The following IPO11 variants were observed in gnomAD, a reference collection of about 807,000 sequenced individuals.
The protein encoded by IPO11 is importin 11, also known as importin-11.
In IPO11, 66 loss-of-function variants were observed where a neutral mutation model predicts 143.2. The observed-to-expected ratio is 0.46, with a 90% confidence interval of 0.38 to 0.57. The LOEUF (loss-of-function observed/expected upper bound fraction) is 0.57, where lower values mean the gene tolerates loss of function less well. Among genes scored for constraint, IPO11 ranks in the 20% least tolerant of loss-of-function variants. The pLI is 0.00. For missense variants in IPO11, 1,026 were observed against 1,141.0 expected, an observed-to-expected ratio of 0.90 and a Z score of 1.45; for synonymous variants, 385 against 377.8, an observed-to-expected ratio of 1.02 and a Z score of -0.22.
chr5:62,515,262 A>G, intron 19 of IPO11, 126 bp from the exon 20 acceptor site: 1 of 533,820 alleles, frequency 1.9e-6, no homozygotes, highest in Non-Finnish European at 3.3e-6. Flanking sequence ...TAAGCTTAAT[A>G]CATTACATCT....
intron 27 of IPO11, among the ~76,000 whole-genome samples, chr5:62,571,805 C>A (rs996500957): frequency 2.6e-4 from 39 of 152,176 alleles, no homozygotes; most frequent in Middle Eastern, 3.4e-3. Context: ...CCTGCCCCAG[C>A]CTCCCCATTA....
intron 24 of IPO11, among the ~76,000 whole-genome samples, chr5:62,541,080 G>A (rs910051294): frequency 6.6e-6 from 1 of 152,156 alleles, no homozygotes; most frequent in Non-Finnish European, 1.5e-5. Flanking sequence ...ATTAATAATT[G>A]TATTTTGGTC....
At chr5:62,433,683 AG>A (rs1163934851) in intron 1 of IPO11, among the ~76,000 whole-genome samples, 4 of 152,184 alleles carry the variant, frequency 2.6e-5, no homozygotes, top group African/African-American at 9.6e-5. Flanking sequence ...AAGCAAGGGG[AG>A]GACCTGGATG....
chr5:62,527,067 G>A (rs1026624197), intron 21 of IPO11, among the ~76,000 whole-genome samples: 6 of 149,090 alleles, frequency 4.0e-5, no homozygotes, highest in Admixed American at 2.7e-4. Context: ...TATAAATAAT[G>A]ATCTTTATCA....
At chr5:62,455,931 C>T (rs1224322980) in intron 5 of IPO11, among the ~76,000 whole-genome samples, 4 of 151,996 alleles carry the variant, frequency 2.6e-5, no homozygotes, top group Non-Finnish European at 5.9e-5. Flanking sequence ...CGTCATGTTG[C>T]CCAGGTTGGC....
intron 8 of IPO11, among the ~76,000 whole-genome samples, chr5:62,476,021 A>G (rs1200502895): frequency 6.6e-6 from 1 of 152,232 alleles, no homozygotes; most frequent in Non-Finnish European, 1.5e-5. Flanking sequence ...TTAGTAAAAC[A>G]TTGTTGAGCC....
chr5:62,609,377 C>CTTCCATGG (rs1435773614), intron 29 of IPO11, among the ~76,000 whole-genome samples: 5 of 152,342 alleles, frequency 3.3e-5, no homozygotes, highest in Non-Finnish European at 7.3e-5. Flanking sequence ...AAGAAACAGC[C>CTTCCATGG]TTCCATGGAC....
intron 19 of IPO11, among the ~76,000 whole-genome samples, chr5:62,510,329 A>G (rs1741701554): frequency 6.6e-6 from 1 of 152,228 alleles, no homozygotes; most frequent in Non-Finnish European, 1.5e-5. Flanking sequence ...AAATAGATCA[A>G]CACTTATATA....
At chr5:62,593,572 A>G (rs990162446) in intron 28 of IPO11, among the ~76,000 whole-genome samples, 11 of 152,214 alleles carry the variant, frequency 7.2e-5, no homozygotes, top group Non-Finnish European at 1.5e-4. Context: ...CCATGTGCCA[A>G]GCTCAGCCAT....
intron 5 of IPO11, among the ~76,000 whole-genome samples, chr5:62,463,825 A>G (rs941045108): frequency 7.0e-6 from 1 of 143,868 alleles, no homozygotes; most frequent in African/African-American, 2.5e-5. Context: ...TTACTTCTGT[A>G]TTTTTTTTTT....
At position 62,605,713 on chromosome 5, in the gene IPO11, G is replaced by GTATTATTATTATTAT. The variant is rs139613779; in HGVS notation, c.2763+3879_2763+3893dup. Reference sequence around the variant, plus strand: ...CAACTCTATGATACCAGCTAACAAAGTATTATTATTATTATTATTATTATT... The same window carrying GTATTATTATTATTAT: ...CAACTCTATGATACCAGCTAACAAAGTATTATTATTATTATTATTATTATTATTATTATTATTATT... On this transcript the variant is annotated intron_variant, in intron 29 of 29. Transcript: ENST00000325324. Among the ~76,000 whole-genome samples the GTATTATTATTATTAT allele has an allele frequency of 3.2e-3, 476 of 146,754 alleles. 4 individuals carry two copies. The highest frequency in any genetic ancestry group is 0.03 in the East Asian group (150 of 5,050).
At chr5:62,621,928 A>T (rs542431000) in intron 29 of IPO11, among the ~76,000 whole-genome samples, 91 of 152,144 alleles carry the variant, frequency 6.0e-4, no homozygotes, top group African/African-American at 2.1e-3. Context: ...GTAAAGTAAA[A>T]CTCCCTCAAA....
chr5:62,604,530 G>A (rs926180713), intron 29 of IPO11, among the ~76,000 whole-genome samples: 2 of 152,028 alleles, frequency 1.3e-5, no homozygotes, highest in South Asian at 4.1e-4. Flanking sequence ...TCTTAAATAC[G>A]TGGAAAGTAT....
At chr5:62,530,138 CAA>C (rs1165284662) in intron 21 of IPO11, among the ~76,000 whole-genome samples, 1 of 152,068 alleles carries the variant, frequency 6.6e-6, no homozygotes, top group Non-Finnish European at 1.5e-5. Context: ...ATCAGAACAA[CAA>C]AATAACTTTT....
At chr5:62,437,244 T>TA in intron 1 of IPO11, 30 bp from the exon 2 acceptor site, 1 of 1,536,784 alleles carries the variant, frequency 6.5e-7, no homozygotes, top group African/African-American at 1.4e-5. Context: ...TTGTAATACA[T>TA]ATTCAAGTAT....
intron 2 of IPO11, among the ~76,000 whole-genome samples, chr5:62,440,350 T>C (rs200218896): frequency 0.028 from 3,090 of 108,736 alleles, 46 homozygotes; most frequent in Non-Finnish European, 0.035. Flanking sequence ...GTACGTCCCC[T>C]TTTTTTTTTT....
chr5:62,539,312 G>A (rs1465732085), intron 24 of IPO11, among the ~76,000 whole-genome samples: 4 of 152,194 alleles, frequency 2.6e-5, no homozygotes, highest in East Asian at 1.9e-4. Context: ...TTGTAGATAC[G>A]TAATCCTGCC....
At chr5:62,482,808 G>T (rs984569183) in intron 9 of IPO11, among the ~76,000 whole-genome samples, 1 of 152,022 alleles carries the variant, frequency 6.6e-6, no homozygotes, top group Non-Finnish European at 1.5e-5. Flanking sequence ...ATATTTAAGC[G>T]TTTTGTATCA....
intron 27 of IPO11, chr5:62,580,970 G>T (rs1181207627): frequency 6.4e-7 from 1 of 1,550,926 alleles, no homozygotes; most frequent in Non-Finnish European, 8.7e-7. Context: ...TCAATGTCAG[G>T]GAAAACATCT....
Sources: gnomAD v4.1 joint callset for allele counts (sites outside exome capture counted in the v4.1 genomes callset) on GRCh38, gnomAD v4.1.1 for gene constraint, MANE v1.5 for transcripts, NCBI Gene and HGNC (gene_info 2026-07-23, HGNC 2026-07-21) for gene names.